MTHFD2L: variants seen among roughly 807,000 people sequenced by gnomAD.
The protein encoded by MTHFD2L is methylenetetrahydrofolate dehydrogenase (NADP+ dependent) 2 like.
Under a neutral mutation model 34.9 loss-of-function variants are expected in MTHFD2L, and 29 were observed. The ratio of observed to expected loss-of-function variants is 0.83; its 90% CI spans 0.62 to 1.13. The LOEUF (loss-of-function observed/expected upper bound fraction) is 1.13. Ranked by LOEUF, MTHFD2L falls within the 50% of genes most tolerant of loss-of-function variation. The pLI is 0.00. For missense variants in MTHFD2L, 481 were observed against 446.5 expected (o/e 1.08, Z -0.70); for synonymous variants, 167 against 155.7 (o/e 1.07, Z -0.54).
At chr4:74,275,256 T>C (rs1746464308) in intron 6 of MTHFD2L, among the ~76,000 whole-genome samples, 1 of 152,318 alleles carries the variant, frequency 6.6e-6, no homozygotes, top group South Asian at 2.1e-4. Context: ...TTCATCCATG[T>C]CCCTGCAAAG....
chr4:74,119,837 T>C (rs1721721882), upstream of MTHFD2L, among the ~76,000 whole-genome samples: 1 of 152,130 alleles, frequency 6.6e-6, no homozygotes. Flanking sequence ...TACAGGGTCA[T>C]TGCACCAGAT....
intron 7 of MTHFD2L, among the ~76,000 whole-genome samples, chr4:74,296,693 T>C (rs1217995725): frequency 6.6e-6 from 1 of 152,064 alleles, no homozygotes; most frequent in Non-Finnish European, 1.5e-5. Flanking sequence ...TATCTCTCAC[T>C]TCAAACATTA....
intron 6 of MTHFD2L, among the ~76,000 whole-genome samples, chr4:74,256,257 A>G (rs942460279): frequency 2.0e-5 from 3 of 151,984 alleles, no homozygotes; most frequent in Non-Finnish European, 2.9e-5. Flanking sequence ...CTACAGGCGC[A>G]TGCCACCACA....
At chr4:74,279,535 T>C (rs1053989413) in intron 6 of MTHFD2L, among the ~76,000 whole-genome samples, 1 of 152,140 alleles carries the variant, frequency 6.6e-6, no homozygotes, top group Admixed American at 6.6e-5. Context: ...GCTCACACTT[T>C]CCTCTATTTT....
intron 3 of MTHFD2L, among the ~76,000 whole-genome samples, chr4:74,196,235 A>G (rs934836176): frequency 2.6e-5 from 4 of 152,162 alleles, no homozygotes; most frequent in Admixed American, 2.0e-4. Flanking sequence ...TCATTTCAAC[A>G]GGGGGCAATT....
At position 74,134,213 on chromosome 4, in the gene MTHFD2L, G is replaced by A. The variant is rs541309890; in HGVS notation, c.-297+8696G>A. On this transcript the variant is annotated intron_variant, in intron 1 of 7. Transcript: ENST00000433372. ...TGTGAAGGCTGGCAAAGACAAATAGGGAAGCCAGGACTACCATCCTCAGCC... is the reference window on the plus strand; with the variant it reads ...TGTGAAGGCTGGCAAAGACAAATAGAGAAGCCAGGACTACCATCCTCAGCC... Among the ~76,000 whole-genome samples the A allele has an allele frequency of 8.5e-5, 13 of 152,234 alleles. 2 individuals carry two copies. In the South Asian group the frequency reaches 2.7e-3, roughly 32 times the overall value.
At chr4:74,135,043 C>A (rs979900532) in intron 1 of MTHFD2L, among the ~76,000 whole-genome samples, 1 of 152,054 alleles carries the variant, frequency 6.6e-6, no homozygotes, top group Non-Finnish European at 1.5e-5. Flanking sequence ...GGGTAGAAAG[C>A]TTATTCAAAG....
At chr4:74,282,921 G>A (rs1289849877) in intron 7 of MTHFD2L, among the ~76,000 whole-genome samples, 1 of 152,086 alleles carries the variant, frequency 6.6e-6, no homozygotes, top group African/African-American at 2.4e-5. Flanking sequence ...AATCTTCCAT[G>A]TTCAATCACT....
chr4:74,148,781 C>T (rs1723762005), intron 1 of MTHFD2L, among the ~76,000 whole-genome samples: 1 of 151,774 alleles, frequency 6.6e-6, no homozygotes, highest in African/African-American at 2.4e-5. Context: ...CATGAATGCT[C>T]ACAGCCACAT....
intron 4 of MTHFD2L, 79 bp downstream of exon 4, chr4:74,200,025 C>T (rs1405387669): frequency 1.5e-6 from 2 of 1,308,228 alleles, no homozygotes; most frequent in East Asian, 2.3e-5. Flanking sequence ...GATGGGACTA[C>T]CTCAGTCCTA....
intron 5 of MTHFD2L, among the ~76,000 whole-genome samples, chr4:74,201,743 CTAGT>C (rs1734477466): frequency 6.6e-6 from 1 of 151,892 alleles, no homozygotes; most frequent in African/African-American, 2.4e-5. Flanking sequence ...TAGAAATCAG[CTAGT>C]TAGTTTATTT....
chr4:74,145,080 A>T (rs1723509819), intron 1 of MTHFD2L, among the ~76,000 whole-genome samples: 2 of 152,096 alleles, frequency 1.3e-5, no homozygotes, highest in Non-Finnish European at 2.9e-5. Flanking sequence ...ATAATCTTGA[A>T]ATAGAGAAAG....
chr4:74,234,215 A>G (rs1740511581), intron 6 of MTHFD2L, among the ~76,000 whole-genome samples: 1 of 152,022 alleles, frequency 6.6e-6, no homozygotes. Flanking sequence ...TTATATTTTT[A>G]TGTCCAGGTC....
chr4:74,254,725 T>C (rs1743775675), intron 6 of MTHFD2L, among the ~76,000 whole-genome samples: 1 of 152,134 alleles, frequency 6.6e-6, no homozygotes, highest in Non-Finnish European at 1.5e-5. Context: ...AAGGTAAGAA[T>C]ATAGTCAAGT....
chr4:74,212,265 AGTT>A (rs1312979672), intron 5 of MTHFD2L, among the ~76,000 whole-genome samples: 1 of 151,902 alleles, frequency 6.6e-6, no homozygotes, highest in African/African-American at 2.4e-5. Flanking sequence ...TTGCTTCTCT[AGTT>A]ATTTTAATTG....
intron 6 of MTHFD2L, among the ~76,000 whole-genome samples, chr4:74,278,291 ATCTTAGTTTTGTAT>A (rs1180739604): frequency 8.6e-5 from 13 of 152,046 alleles, no homozygotes; most frequent in African/African-American, 3.1e-4. Context: ...TCTGGAGACC[ATCTTAGTTTTGTAT>A]TGAGTTTTTA....
At chr4:74,180,719 C>T (rs1237839275) in intron 3 of MTHFD2L, 1 of 454,400 alleles carries the variant, frequency 2.2e-6, no homozygotes. Flanking sequence ...ATTTGAAATG[C>T]TCGGGATATA....
At chr4:74,283,608 T>C (rs1747770921) in intron 7 of MTHFD2L, among the ~76,000 whole-genome samples, 1 of 152,148 alleles carries the variant, frequency 6.6e-6, no homozygotes, top group Non-Finnish European at 1.5e-5. Context: ...CTCTACTGTT[T>C]GGCATATCTT....
At position 74,199,809 on chromosome 4, in the gene MTHFD2L, G is replaced by A. The variant is rs761954094; in HGVS notation, c.467G>A (p.Arg156Gln). Residue 156 changes from arginine to glutamine, a missense_variant, in exon 4 of 8, where the codon CGA (arginine) becomes CAA (glutamine). Physicochemically the swap from Arg to Gln is conservative, Grantham distance 43. Transcript: ENST00000325278. The part of the protein sequence containing the change: ...QLPLPDHVDE[R>Q]TICNGIAPEK... ...TATTTTTCAGACCACGTTGATGAGC[G>A]AACAATATGCAATGGAATTGCCCCA... 35 of 1,609,708 alleles carry A rather than the reference G, an allele frequency of 2.2e-5. No homozygotes were observed. The East Asian group carries it at 2.2e-4, about 10-fold the overall frequency.
Sources: allele counts gnomAD v4.1 joint callset (sites outside exome capture counted in the v4.1 genomes callset), GRCh38; gene constraint gnomAD v4.1.1; transcripts MANE v1.5; gene names NCBI Gene and HGNC (gene_info 2026-07-23, HGNC 2026-07-21).